Variants in CARF observed in about 807,000 individuals in gnomAD.
The protein encoded by CARF is calcium responsive transcription factor, also known as calcium-responsive transcription factor.
Under a neutral mutation model 82.0 loss-of-function variants are expected in CARF, and 57 were observed. The observed-to-expected ratio is 0.70, with a 90% CI of 0.56 to 0.87. The LOEUF is 0.87. Among genes scored for constraint, CARF ranks in the 40% least tolerant of loss-of-function variants. CARF has a pLI of 0.00. For missense variants in CARF, 771 were observed against 855.8 expected (o/e 0.90, Z 1.24); for synonymous variants, 268 against 290.1 (o/e 0.92, Z 0.77).
rs569242117 is a variant in CARF at position 202,967,764 on chromosome 2, G to A, written c.953+666G>A. Among the ~76,000 whole-genome samples the A allele has an allele frequency of 1.5e-4, 23 of 152,228 alleles. 1 individual carries two copies. The highest frequency in any genetic ancestry group is 5.3e-4 in the African/African-American group (22 of 41,548). On this transcript the variant is annotated intron_variant, in intron 10 of 16. Coordinates refer to ENST00000438828, the MANE Select transcript of CARF (RefSeq NM_024744.17). ...TAGAAATGAAATTGCTAGGGCAAAGGCTGTATCTTTTAAAAATGTTGACAA... is the reference window on the plus strand; with the variant it reads ...TAGAAATGAAATTGCTAGGGCAAAGACTGTATCTTTTAAAAATGTTGACAA...
At chr2:202,945,521 T>A (rs955519399) in intron 5 of CARF, among the ~76,000 whole-genome samples, 2 of 152,098 alleles carry the variant, frequency 1.3e-5, no homozygotes, top group Non-Finnish European at 2.9e-5. Context: ...TGTTCATAAG[T>A]TTTTATCATT....
At chr2:202,973,623 A>C (rs1029278995) in intron 12 of CARF, 11 of 315,804 alleles carry the variant, frequency 3.5e-5, no homozygotes, top group African/African-American at 2.4e-4. Flanking sequence ...TCACTTCTAC[A>C]GTCCTTAGTT....
At position 202,986,903 on chromosome 2, in the gene CARF, T is replaced by TATACATATATATATATATATAC. The variant is rs1553584766; in HGVS notation, c.*3282_*3283insCATATATATATATATATACATA. The TATACATATATATATATATATAC allele has an allele frequency of 3.5e-4, 30 of 84,572 alleles. No homozygotes were observed. The highest frequency in any genetic ancestry group is 6.2e-4 in the South Asian group (1 of 1,626). The allele number at this position is 84,572 out of a possible 1,614,324, so 5.2% of individuals were successfully genotyped here. ...ATATATATATATATATATATATATA[T>TATACATATATATATATATATAC]ATATAGCAACTTGATGTATAGTGTC... On this transcript the variant is annotated 3_prime_UTR_variant, in exon 17 of 17. Transcript: ENST00000438828.
chr2:202,953,455 T>A (rs1322244329), intron 6 of CARF, among the ~76,000 whole-genome samples: 1 of 151,736 alleles, frequency 6.6e-6, no homozygotes, highest in Non-Finnish European at 1.5e-5. Flanking sequence ...TGTATAGTCT[T>A]TCTTTACCTG....
intron 1 of CARF, 158 bp downstream of exon 1, chr2:202,913,260 A>C (rs1248020108): frequency 1.3e-5 from 2 of 152,210 alleles, no homozygotes; most frequent in Non-Finnish European, 2.9e-5. Flanking sequence ...TTTATTAGAG[A>C]GCAATGACAA....
In CARF at chr2:202,952,597, T is replaced by A. The variant is rs1180815703; in HGVS notation, c.345T>A (p.Leu115=). The A allele has an allele frequency of 6.2e-7, 1 of 1,613,904 alleles. No homozygotes were observed. ...GCCCAACAGAAAATGGACAGGTACT[T>A]CGTGTAATTCCACCTACCCAGACAG... is the stretch of plus-strand genomic sequence containing the variant. ...VASPTENGQV[L]RVIPPTQTGM... Residue 115 remains leucine (L), a synonymous_variant, in exon 6 of 17, where the codon CTT becomes CTA. Coordinates refer to ENST00000438828, the MANE Select transcript of CARF (RefSeq NM_024744.17).
At chr2:202,942,563 A>G (rs1443653761) in intron 4 of CARF, 177 bp from the exon 5 acceptor site, 2 of 723,282 alleles carry the variant, frequency 2.8e-6, no homozygotes, top group Non-Finnish European at 1.7e-6. Flanking sequence ...GATAGTAAGT[A>G]TAATAATCAA....
At chr2:202,976,994 T>C (rs1402186348) in intron 13 of CARF, among the ~76,000 whole-genome samples, 1 of 152,202 alleles carries the variant, frequency 6.6e-6, no homozygotes, top group Non-Finnish European at 1.5e-5. Context: ...TGACCCACTG[T>C]ACCCAGCCCA....
At chr2:202,945,712 A>G (rs1265294966) in intron 5 of CARF, among the ~76,000 whole-genome samples, 2 of 152,132 alleles carry the variant, frequency 1.3e-5, no homozygotes, top group African/African-American at 2.4e-5. Context: ...TAATCTGTCA[A>G]TGATGGGCAT....
intron 2 of CARF, among the ~76,000 whole-genome samples, chr2:202,923,821 C>T (rs950774169): frequency 3.3e-5 from 5 of 152,290 alleles, no homozygotes; most frequent in Admixed American, 2.6e-4. Flanking sequence ...AATAAACCCA[C>T]ATACGTAACA....
At chr2:202,942,534 A>C (rs1039841127) in intron 4 of CARF, 4 of 815,260 alleles carry the variant, frequency 4.9e-6, no homozygotes, top group Non-Finnish European at 5.9e-6. Context: ...ATTCCTGTGG[A>C]CAATTTTGGT....
At chr2:202,913,603 G>A (rs1559171462) in intron 1 of CARF, among the ~76,000 whole-genome samples, 1 of 152,230 alleles carries the variant, frequency 6.6e-6, no homozygotes, top group Non-Finnish European at 1.5e-5. Context: ...GCTAATGGAA[G>A]TGGTGATCGT....
chr2:202,932,265 C>T (rs12622313), intron 3 of CARF, among the ~76,000 whole-genome samples: 3,815 of 152,188 alleles, frequency 0.025, 90 homozygotes, highest in South Asian at 0.1. Context: ...GGTGGGGACA[C>T]GGACCCAGAC....
chr2:202,947,444 GGGA>G (rs1367287438), intron 5 of CARF, among the ~76,000 whole-genome samples: 1 of 152,090 alleles, frequency 6.6e-6, no homozygotes, highest in Non-Finnish European at 1.5e-5. Flanking sequence ...CATGGACACA[GGGA>G]GGAGAACATC....
At chr2:202,915,511 C>T (rs1245157318) in intron 1 of CARF, among the ~76,000 whole-genome samples, 1 of 152,148 alleles carries the variant, frequency 6.6e-6, no homozygotes, top group African/African-American at 2.4e-5. Flanking sequence ...GGCTCTGTCA[C>T]CAGGCTGGAG....
chr2:202,955,525 T>TG, intron 7 of CARF, 149 bp from the exon 8 acceptor site: 1 of 479,478 alleles, frequency 2.1e-6, no homozygotes. Context: ...TAATAACTAA[T>TG]GCACCCATCA....
At chr2:202,963,032 C>T (rs1021332559) in intron 9 of CARF, 1 of 152,180 alleles carries the variant, frequency 6.6e-6, no homozygotes, top group East Asian at 1.9e-4. Context: ...TAAAATTGCT[C>T]TCAAGGCCGG....
At chr2:202,953,806 A>G (rs1165151474) in intron 6 of CARF, among the ~76,000 whole-genome samples, 199 bp from the exon 7 acceptor site, 1 of 152,144 alleles carries the variant, frequency 6.6e-6, no homozygotes, top group Admixed American at 6.6e-5. Context: ...AATTCTAAAA[A>G]TTATAAAATT....
At chr2:202,977,240 T>C (rs2060072606) in intron 13 of CARF, 29 bp from the exon 14 acceptor site, 5 of 1,545,402 alleles carry the variant, frequency 3.2e-6, no homozygotes, top group Non-Finnish European at 4.4e-6. Flanking sequence ...AGAGCTTTAT[T>C]TTTACTGAAA....
Sources: gnomAD v4.1 joint callset for allele counts (sites outside exome capture counted in the v4.1 genomes callset) on GRCh38, gnomAD v4.1.1 for gene constraint, MANE v1.5 for transcripts, NCBI Gene and HGNC (gene_info 2026-07-23, HGNC 2026-07-21) for gene names.